The following ERICH6B variants were observed in gnomAD, a reference collection of about 807,000 sequenced individuals.
ERICH6B encodes glutamate rich 6B.
A neutral mutation model predicts 80.0 loss-of-function variants in ERICH6B; 69 were observed. The observed-to-expected ratio is 0.86, with a 90% confidence interval of 0.71 to 1.05. ERICH6B has a LOEUF of 1.05. Among genes scored for constraint, ERICH6B ranks in the 50% least tolerant of loss-of-function variants. The probability of loss-of-function intolerance (pLI) is 0.00; values close to 1 mark genes in which losing one functional copy is unlikely to be tolerated. For missense variants in ERICH6B, 754 were observed against 796.1 expected, an observed-to-expected ratio of 0.95 and a Z score of 0.64; for synonymous variants, 283 against 291.9, an observed-to-expected ratio of 0.97 and a Z score of 0.31.
chr13:45,611,174 T>C (rs1949897560), intron 1 of ERICH6B, among the ~76,000 whole-genome samples: 3 of 152,176 alleles, frequency 2.0e-5, no homozygotes, highest in Non-Finnish European at 2.9e-5. Flanking sequence ...TTACTATAGC[T>C]ATAGCATCCA....
intron 3 of ERICH6B, among the ~76,000 whole-genome samples, chr13:45,594,420 G>A (rs1876279644): frequency 6.6e-6 from 1 of 152,198 alleles, no homozygotes; most frequent in Non-Finnish European, 1.5e-5. Flanking sequence ...AGCACATAGA[G>A]GGGACATGTT....
intron 14 of ERICH6B, among the ~76,000 whole-genome samples, chr13:45,544,058 A>G (rs564976354): frequency 1.5e-4 from 23 of 152,208 alleles, no homozygotes; most frequent in South Asian, 4.2e-4. Flanking sequence ...TGCCCAGTTA[A>G]TTTTATTCAT....
At chr13:45,613,274 C>T (rs1045601221) in intron 1 of ERICH6B, among the ~76,000 whole-genome samples, 1 of 152,154 alleles carries the variant, frequency 6.6e-6, no homozygotes, top group African/African-American at 2.4e-5. Context: ...GTACCTGAAT[C>T]TCTCCTTGGT....
At chr13:45,564,942 G>A (rs1023186269) in intron 9 of ERICH6B, among the ~76,000 whole-genome samples, 1 of 152,110 alleles carries the variant, frequency 6.6e-6, no homozygotes, top group East Asian at 1.9e-4. Flanking sequence ...CCCATCAGGC[G>A]GCTCTTCAAT....
intron 13 of ERICH6B, among the ~76,000 whole-genome samples, chr13:45,549,054 C>T (rs547441770): frequency 1.6e-4 from 24 of 152,168 alleles, no homozygotes; most frequent in African/African-American, 2.2e-4. Context: ...GTGGCTGAGG[C>T]GGATGGATCA....
chr13:45,548,045 G>T (rs1874059884), intron 13 of ERICH6B, among the ~76,000 whole-genome samples: 1 of 152,190 alleles, frequency 6.6e-6, no homozygotes, highest in African/African-American at 2.4e-5. Flanking sequence ...CAGGGACCCT[G>T]AGTTTGGGCA....
intron 5 of ERICH6B, among the ~76,000 whole-genome samples, chr13:45,581,368 C>T (rs765216583): frequency 2.0e-5 from 3 of 152,190 alleles, no homozygotes; most frequent in Non-Finnish European, 1.5e-5. Context: ...CACACACATA[C>T]ACATCCTACA....
At chr13:45,565,699 G>A (rs901833222) in intron 9 of ERICH6B, among the ~76,000 whole-genome samples, 4 of 152,182 alleles carry the variant, frequency 2.6e-5, no homozygotes, top group African/African-American at 9.7e-5. Context: ...TGATTCTGAG[G>A]CCTCCCCAGC....
chr13:45,548,399 T>A (rs888688757), intron 13 of ERICH6B, among the ~76,000 whole-genome samples: 5 of 152,212 alleles, frequency 3.3e-5, no homozygotes, highest in Non-Finnish European at 7.3e-5. Flanking sequence ...CCTAGGTCAA[T>A]GAGACTGCAG....
chr13:45,553,057 G>A (rs959441483), intron 11 of ERICH6B: 11 of 271,632 alleles, frequency 4.0e-5, no homozygotes, highest in Non-Finnish European at 8.1e-5. Flanking sequence ...GAAAAAAGCA[G>A]TTTTCTGGAA....
chr13:45,599,126 C>T (rs1181318330), intron 2 of ERICH6B, among the ~76,000 whole-genome samples: 1 of 152,204 alleles, frequency 6.6e-6, no homozygotes, highest in African/African-American at 2.4e-5. Context: ...GAGAACCTAC[C>T]TTGTGATAGC....
At chr13:45,570,843 C>T (rs551039808) in intron 8 of ERICH6B, among the ~76,000 whole-genome samples, 2 of 151,364 alleles carry the variant, frequency 1.3e-5, no homozygotes, top group East Asian at 3.9e-4. Context: ...GCTGCAGGTG[C>T]CGTGTGGCAT....
At chr13:45,563,486 G>T (rs78104943) in intron 10 of ERICH6B, among the ~76,000 whole-genome samples, 2 of 151,978 alleles carry the variant, frequency 1.3e-5, no homozygotes, top group African/African-American at 4.8e-5. Context: ...AAGGTGACTC[G>T]CTCTGTGTTC....
intron 14 of ERICH6B, among the ~76,000 whole-genome samples, chr13:45,542,085 T>G (rs888591382): frequency 6.6e-6 from 1 of 152,114 alleles, no homozygotes; most frequent in African/African-American, 2.4e-5. Context: ...CGCCTCCACC[T>G]TGGGCTCCTT....
chr13:45,556,005 A>C (rs1874420830), intron 11 of ERICH6B, among the ~76,000 whole-genome samples: 1 of 148,788 alleles, frequency 6.7e-6, no homozygotes, highest in African/African-American at 2.5e-5. Flanking sequence ...TCCATGGCTC[A>C]CGCCCTCATT....
intron 2 of ERICH6B, among the ~76,000 whole-genome samples, chr13:45,604,414 T>C (rs909500458): frequency 6.6e-6 from 1 of 152,156 alleles, no homozygotes; most frequent in Admixed American, 6.6e-5. Context: ...CCCATCTCCA[T>C]CCATCCGTCA....
chr13:45,612,324 G>A (rs1483960065), intron 1 of ERICH6B, among the ~76,000 whole-genome samples: 1 of 152,154 alleles, frequency 6.6e-6, no homozygotes, highest in African/African-American at 2.4e-5. Flanking sequence ...GGTTGCATAA[G>A]GCATACCTAT....
intron 13 of ERICH6B, among the ~76,000 whole-genome samples, chr13:45,549,164 A>G (rs951317006): frequency 6.6e-6 from 1 of 152,020 alleles, no homozygotes; most frequent in Admixed American, 6.6e-5. Context: ...CATGCCTGTA[A>G]TCTCAGCTAC....
chr13:45,582,959 G>C (rs1875736274), intron 5 of ERICH6B, among the ~76,000 whole-genome samples: 1 of 152,118 alleles, frequency 6.6e-6, no homozygotes, highest in African/African-American at 2.4e-5. Context: ...ATCCCAGATT[G>C]GTCACAGACT....
Sources: gnomAD v4.1 joint callset for allele counts (sites outside exome capture counted in the v4.1 genomes callset) on GRCh38, gnomAD v4.1.1 for gene constraint, MANE v1.5 for transcripts, NCBI Gene and HGNC (gene_info 2026-07-23, HGNC 2026-07-21) for gene names.